Variants in RAPGEF3 observed in about 807,000 individuals in gnomAD.
RAPGEF3 encodes Rap guanine nucleotide exchange factor 3.
RAPGEF3 carries 103 observed loss-of-function variants against 129.8 expected under a neutral mutation model. The observed-to-expected ratio is 0.79, with a 90% CI of 0.68 to 0.93. The LOEUF (loss-of-function observed/expected upper bound fraction) is 0.93, where lower values mean the gene tolerates loss of function less well. RAPGEF3 is among the 40% of genes least tolerant of loss of function. The pLI, the probability that RAPGEF3 is intolerant of heterozygous loss-of-function variation, is 0.00. For missense variants in RAPGEF3, 1,117 were observed against 1,207.4 expected, an observed-to-expected ratio of 0.93 and a Z score of 1.11; for synonymous variants, 436 against 482.6, an observed-to-expected ratio of 0.90 and a Z score of 1.26.
chr12:47,758,828 T>G lies in RAPGEF3; in HGVS notation c.-272A>C. On this transcript the variant is annotated 5_prime_UTR_variant, in exon 1 of 28. Coordinates refer to ENST00000449771, the MANE Select transcript of RAPGEF3 (RefSeq NM_001098531.4). ...GACAGGGAGCCCCGAGCCTGCGCCTTCGTCTCAGACGAAGGAGCCAGCTGG... is the reference window on the plus strand; with the variant it reads ...GACAGGGAGCCCCGAGCCTGCGCCTGCGTCTCAGACGAAGGAGCCAGCTGG... 8.2e-7 allele frequency: 1 copy of G among 1,217,996 alleles called. No individual in the cohort carries two copies. Among genetic ancestry groups the G allele is most frequent in the Non-Finnish European group, 1.0e-6 (1 of 975,932 alleles). The allele number at this position is 1,217,996 out of a possible 1,614,324, so 75.4% of individuals were successfully genotyped here.
chr12:47,757,796 A>C (rs1411053012), intron 2 of RAPGEF3, 70 bp downstream of exon 2: 8 of 1,412,650 alleles, frequency 5.7e-6, no homozygotes, highest in Non-Finnish European at 6.7e-6. Context: ...GCAGCATGCC[A>C]AGCCATGATC....
Position 47,740,932 on chromosome 12 carries a change from A to G in RAPGEF3, c.2032T>C (p.Phe678Leu). ...GQLTDHDWSL[F>L]NSIHQVELIH... ...TCCCATACCTGGTGGATACTGTTGAAGAGGCTCCAGTCGTGGTCCGTCAGC... is the reference window on the plus strand; with the variant it reads ...TCCCATACCTGGTGGATACTGTTGAGGAGGCTCCAGTCGTGGTCCGTCAGC... The change falls in exon 20 of 28, where the codon TTC (phenylalanine) becomes CTC (leucine). Residue 678 changes from phenylalanine to leucine, a missense_variant. Physicochemically the swap from Phe to Leu is conservative, Grantham distance 22. Around this residue, in one of 3 missense-constraint regions of RAPGEF3, gnomAD observed 643 missense variants for 673.4 expected, o/e 0.95. Transcript: ENST00000449771. 1 of 1,613,982 alleles carries G rather than the reference A, an allele frequency of 6.2e-7. No individual in the cohort carries two copies. Among genetic ancestry groups the G allele is most frequent in the Non-Finnish European group, 8.5e-7 (1 of 1,179,970 alleles).
chr12:47,743,435 A>G, intron 18 of RAPGEF3, 95 bp downstream of exon 18: 1 of 1,462,892 alleles, frequency 6.8e-7, no homozygotes, highest in Non-Finnish European at 9.3e-7. Flanking sequence ...GAAGACCAGA[A>G]AGATGACAAT....
intron 24 of RAPGEF3, 193 bp downstream of exon 24, chr12:47,738,950 C>G: frequency 1.4e-6 from 1 of 691,844 alleles, no homozygotes. Context: ...TGGATGTCTT[C>G]ATTCTTCCAG....
rs73302681 is a variant in RAPGEF3 at position 47,737,328 on chromosome 12, T to G, written c.*239A>C. The stretch of plus-strand genomic sequence containing the variant: ...TCTCCACCCACTCCTGGGGCCTCTC[T>G]GTCCTCCCTTCCTTGGCCTTGGGTC... On this transcript the variant is annotated 3_prime_UTR_variant, in exon 28 of 28. Coordinates refer to ENST00000449771, the MANE Select transcript of RAPGEF3 (RefSeq NM_001098531.4). 0.012 allele frequency: 6,241 copies of G among 540,328 alleles called. 292 individuals carry two copies. The highest frequency in any genetic ancestry group is 0.1 in the African/African-American group (5,449 of 52,472). 33.5% of individuals were successfully genotyped at this position (540,328 alleles called of 1,614,324 possible). A position where few individuals can be genotyped will look rare whatever the true frequency, so the allele number is the denominator to read the frequency against.
Position 47,737,361 on chromosome 12 carries a change from A to C in RAPGEF3, c.*206T>G. The stretch of plus-strand genomic sequence containing the variant: ...CTTCCTTGGCCTTGGGTCATTCGTT[A>C]TTCCTGGCTCGGGTCCACTCCGAGG... On this transcript the variant is annotated 3_prime_UTR_variant, in exon 28 of 28. Coordinates refer to ENST00000449771, the MANE Select transcript of RAPGEF3 (RefSeq NM_001098531.4). 1 of 581,364 alleles carries C rather than the reference A, an allele frequency of 1.7e-6. No individual in the cohort carries two copies. The highest frequency in any genetic ancestry group is 3.1e-6 in the Non-Finnish European group (1 of 326,758). 36.0% of individuals were successfully genotyped at this position (581,364 alleles called of 1,614,324 possible).
At chr12:47,739,808 T>C (rs1941035077) in intron 23 of RAPGEF3, 2 of 451,972 alleles carry the variant, frequency 4.4e-6, no homozygotes, top group East Asian at 4.3e-5. Context: ...CCTTGGGCTC[T>C]GGAGCCCCTG....
At chr12:47,743,816 G>A in intron 17 of RAPGEF3, 140 bp from the exon 18 acceptor site, 1 of 1,385,916 alleles carries the variant, frequency 7.2e-7, no homozygotes, top group Non-Finnish European at 1.0e-6. Flanking sequence ...GCAAAAAAGA[G>A]GCAGGTAGGA....
chr12:47,744,316 T>A lies in RAPGEF3; in HGVS notation c.1597-248A>T. The A allele has an allele frequency of 5.4e-6, 3 of 554,330 alleles. No individual in the cohort carries two copies. In the South Asian group the frequency reaches 6.2e-5, roughly 11 times the overall value. The allele number at this position is 554,330 out of a possible 1,614,324, so 34.3% of individuals were successfully genotyped here. On this transcript the variant is annotated intron_variant, in intron 16 of 27. Transcript: ENST00000449771. ...CCCTCCGTGTGTGTGTGCTTCTGCA[T>A]CTGCCAGATAGGTCCAGAGCAGTTC...
intron 18 of RAPGEF3, chr12:47,742,231 G>GT (rs1379161983): frequency 6.6e-6 from 1 of 152,282 alleles, no homozygotes; most frequent in African/African-American, 2.4e-5. Flanking sequence ...TAATATATGT[G>GT]TATTACTTAC....
chr12:47,742,033 T>G (rs1592542798), intron 18 of RAPGEF3: 1 of 177,868 alleles, frequency 5.6e-6, no homozygotes, highest in East Asian at 1.4e-4. Flanking sequence ...CATCAGCTCC[T>G]CATGGACTGG....
Position 47,747,813 on chromosome 12 carries a change from C to A in RAPGEF3, c.1372G>T (p.Val458Phe). The stretch of plus-strand genomic sequence containing the variant: ...AAGATCTGCTGCCTCTTGTTGCAGA[C>A]GTAGGTGCTGCGCTCCTGCTCGCTG... ...GGSEQERSTY[V>F]CNKRQQILRL... Residue 458 changes from valine (V) to phenylalanine (F), a missense_variant, in exon 14 of 28, where the codon GTC becomes TTC. Transcript: ENST00000449771. 1 of 1,606,590 alleles carries A rather than the reference C, an allele frequency of 6.2e-7. No homozygotes were observed. Among genetic ancestry groups the A allele is most frequent in the Non-Finnish European group, 8.5e-7 (1 of 1,179,976 alleles).
intron 16 of RAPGEF3, chr12:47,744,694 CTCCTGACTCAGGTTCCCCT>C (rs1197077858): frequency 1.9e-5 from 3 of 154,010 alleles, no homozygotes; most frequent in Non-Finnish European, 4.3e-5. Context: ...CCAGGCAAGT[CTCCTGACTCAGGTTCCCCT>C]TCCCACCCTG....
Position 47,751,201 on chromosome 12 carries a change from G to A in RAPGEF3, c.518C>T (p.Ala173Val). The A allele has an allele frequency of 6.4e-7, 1 of 1,551,088 alleles. No individual in the cohort carries two copies. The highest frequency in any genetic ancestry group is 8.7e-7 in the Non-Finnish European group (1 of 1,146,944). ...GAATTGGGCATCTCGGTCCTGGAAG[G>A]CCCAGTCGTGTTTCACTGGGGGGCA... ...GALCHVKHDW[A>V]FQDRDAQFYR... The change falls in exon 6 of 28, where the codon GCC (alanine) becomes GTC (valine). Residue 173 changes from alanine to valine, a missense_variant. This residue lies in a region of RAPGEF3 where 367 missense variants were observed against 373.4 expected (regional missense o/e 0.98). Coordinates refer to ENST00000449771, the MANE Select transcript of RAPGEF3 (RefSeq NM_001098531.4).
rs573050276 is a variant in RAPGEF3, at chr12:47,744,064, C to T, written c.1601G>A (p.Arg534Gln). The change falls in exon 17 of 28, where the codon CGG becomes CAG. Residue 534 changes from arginine to glutamine, a missense_variant. Coordinates refer to ENST00000449771, the MANE Select transcript of RAPGEF3 (RefSeq NM_001098531.4). ...GTTGGGGAGCCAAACAGGCAAGTTC[C>T]GGGCCTGGGAGGAAGAGGAACGAGA... ...CGNASPQMKA[R>Q]NLPVWLPNQD... 3.1e-5 allele frequency: 50 copies of T among 1,601,500 alleles called. No homozygotes were observed. The East Asian group carries it at 3.1e-4, about 10-fold the overall frequency.
chr12:47,751,165 G>A lies in RAPGEF3; in HGVS notation c.554C>T (p.Pro185Leu). Residue 185 changes from proline to leucine, a missense_variant, in exon 6 of 28, where the codon CCC becomes CTC. This residue lies in a region of RAPGEF3 where 367 missense variants were observed against 373.4 expected (regional missense o/e 0.98). Transcript: ENST00000449771. The stretch of plus-strand genomic sequence containing the variant: ...TCTCACGGGCTCGGGCTCGGGCCCG[G>A]GGAACCGGTAGAATTGGGCATCTCG... ...QDRDAQFYRF[P>L]GPEPEPVRTH... 1 of 1,555,502 alleles carries A rather than the reference G, an allele frequency of 6.4e-7. No individual in the cohort carries two copies. The highest frequency in any genetic ancestry group is 8.7e-7 in the Non-Finnish European group (1 of 1,149,448).
intron 13 of RAPGEF3, 100 bp downstream of exon 13, chr12:47,747,974 A>G: frequency 1.3e-6 from 2 of 1,575,216 alleles, no homozygotes; most frequent in Non-Finnish European, 1.7e-6. Flanking sequence ...GCAGGCTGGC[A>G]TTTAAAGGGC....
chr12:47,741,325 T>G, intron 19 of RAPGEF3, 180 bp downstream of exon 19: 2 of 687,508 alleles, frequency 2.9e-6, no homozygotes, highest in South Asian at 3.6e-5. Flanking sequence ...GCCCCTGCCC[T>G]GCACTATCTT....
chr12:47,740,667 T>C lies in RAPGEF3; in HGVS notation c.2206A>G (p.Arg736Gly). ...PVPGPRAQLL[R>G]KFIKLAAHLK... ...TGGGCCGCCAGCTTAATGAACTTCC[T>C]GAGCAGCTGGGCCCGGGGGCCGGGC... Residue 736 changes from arginine to glycine, a missense_variant, in exon 21 of 28, where the codon AGG (arginine) becomes GGG (glycine). Coordinates refer to ENST00000449771, the MANE Select transcript of RAPGEF3 (RefSeq NM_001098531.4). 1.2e-6 allele frequency: 2 copies of C among 1,613,756 alleles called. No homozygotes were observed. Among genetic ancestry groups the C allele is most frequent in the Non-Finnish European group, 1.7e-6 (2 of 1,179,944 alleles).
Sources: gnomAD v4.1 joint callset for allele counts on GRCh38, gnomAD v4.1.1 for gene constraint, gnomAD v4.1.1 regional missense constraint, MANE v1.5 for transcripts, NCBI Gene and HGNC (gene_info 2026-07-23, HGNC 2026-07-21) for gene names.